Variants in ZNF785 observed in about 807,000 individuals in gnomAD.
ZNF785 encodes the protein zinc finger protein 785.
A neutral mutation model predicts 11.3 loss-of-function variants in ZNF785; 15 were observed. The ratio of observed to expected loss-of-function variants is 1.32; its 90% CI spans 0.89 to 2.04. The LOEUF (loss-of-function observed/expected upper bound fraction) is 2.04, where lower values mean the gene tolerates loss of function less well. ZNF785 is among the 30% of genes most tolerant of loss of function. The pLI is 0.00. For missense variants in ZNF785, 572 were observed against 560.9 expected (o/e 1.02, Z -0.20); for synonymous variants, 221 against 231.0 (o/e 0.96, Z 0.39).
At position 30,585,616 on chromosome 16, in the gene ZNF785, AACCCTTTCT is replaced by A. The variant is rs2051885796; in HGVS notation, c.-14_-6del. On this transcript the variant is annotated 5_prime_UTR_variant, in exon 1 of 3. Coordinates refer to ENST00000395216, the MANE Select transcript of ZNF785 (RefSeq NM_152458.7). The surrounding 1 kb of genome is among the most constrained non-coding windows in gnomAD (Gnocchi z 4.0). ...CGGCGCCAGGGGCGGCCCCATGGGAAACCCTTTCTGCCTGGCAAAGGGAGGCTTCCGGGG... is the reference window on the plus strand; with the variant it reads ...CGGCGCCAGGGGCGGCCCCATGGGAAGCCTGGCAAAGGGAGGCTTCCGGGG... 2 of 1,477,998 alleles carry A rather than the reference AACCCTTTCT, an allele frequency of 1.4e-6. No homozygotes were observed. The highest frequency in any genetic ancestry group is 1.8e-6 in the Non-Finnish European group (2 of 1,122,772). 91.6% of individuals were successfully genotyped at this position (1,477,998 alleles called of 1,614,324 possible).
At position 30,584,989 on chromosome 16, in the gene ZNF785, G is replaced by A. The variant is rs1261008773; in HGVS notation, c.334+133C>T. The A allele has an allele frequency of 6.4e-6, 8 of 1,247,456 alleles. No individual in the cohort carries two copies. The African/African-American group carries it at 9.0e-5, about 14-fold the overall frequency. The allele number at this position is 1,247,456 out of a possible 1,614,324, so 77.3% of individuals were successfully genotyped here. On this transcript the variant is annotated intron_variant, in intron 2 of 2. Coordinates refer to ENST00000395216, the MANE Select transcript of ZNF785 (RefSeq NM_152458.7). Reference sequence around the variant, plus strand: ...GTTCCATCGGGCCATTTTGCAGTGAGATGAGGACGTTTCTGGGGTAGGGTG... The same window carrying A: ...GTTCCATCGGGCCATTTTGCAGTGAAATGAGGACGTTTCTGGGGTAGGGTG...
chr16:30,583,062 T>C lies in ZNF785; in HGVS notation c.716A>G (p.Gln239Arg), dbSNP rs761676266. 6.2e-7 allele frequency: 1 copy of C among 1,613,892 alleles called. No individual in the cohort carries two copies. The highest frequency in any genetic ancestry group is 8.5e-7 in the Non-Finnish European group (1 of 1,179,982). Residue 239 changes from glutamine (Q) to arginine (R), a missense_variant, in exon 3 of 3, where the codon CAG (glutamine) becomes CGG (arginine). Transcript: ENST00000395216. Reference sequence around the variant, plus strand: ...CCTGTGGATAGCCAGGGAACCCCTCTGGCGGAAGCGGCGCCCGCAGTCGGG... The same window carrying C: ...CCTGTGGATAGCCAGGGAACCCCTCCGGCGGAAGCGGCGCCCGCAGTCGGG... ...PCPDCGRRFR[Q>R]RGSLAIHRRA...
Position 30,582,952 on chromosome 16 carries a change from G to T in ZNF785, c.826C>A (p.Arg276Ser). 6.2e-7 allele frequency: 1 copy of T among 1,614,008 alleles called. No individual in the cohort carries two copies. The highest frequency in any genetic ancestry group is 8.5e-7 in the Non-Finnish European group (1 of 1,179,968). The stretch of plus-strand genomic sequence containing the variant: ...TAGGGCTTCTCGCCCGTGTGCTTGC[G>T]CTGGTGGATGGCCAGCAGGTAGGGG... ...TYPYLLAIHQ[R>S]KHTGEKPYSC... is the part of the protein sequence containing the mutation. The change falls in exon 3 of 3, where the codon CGC becomes AGC. Residue 276 changes from arginine (R) to serine (S), a missense_variant. Transcript: ENST00000395216.
Position 30,581,030 on chromosome 16 carries a change from C to G in ZNF785, c.*1530G>C, listed in dbSNP as rs1210271276. 6.6e-6 allele frequency: 1 copy of G among 151,778 alleles called. No individual in the cohort carries two copies. Among genetic ancestry groups the G allele is most frequent in the African/African-American group, 2.4e-5 (1 of 41,272 alleles). 9.4% of individuals were successfully genotyped at this position (151,778 alleles called of 1,614,324 possible). A position where few individuals can be genotyped will look rare whatever the true frequency, so the allele number is the denominator to read the frequency against. ...AAAAATGCAATTAGCCAGGCATGGT[C>G]GTGGGTGCCTGTAATCCCAGCTACT... On this transcript the variant is annotated 3_prime_UTR_variant, in exon 3 of 3. Transcript: ENST00000395216.
chr16:30,583,774 T>C, intron 2 of ZNF785: 1 of 198,116 alleles, frequency 5.0e-6, no homozygotes, highest in Non-Finnish European at 1.0e-5. Flanking sequence ...GGAGGATCGC[T>C]TGAGGCCAGA....
rs2151236085 is a variant in ZNF785 at position 30,581,602 on chromosome 16, TAC to T, written c.*956_*957del. 1 of 151,992 alleles carries T rather than the reference TAC, an allele frequency of 6.6e-6. No homozygotes were observed. The highest frequency in any genetic ancestry group is 2.1e-4 in the South Asian group (1 of 4,826). The allele number at this position is 151,992 out of a possible 1,614,324, so 9.4% of individuals were successfully genotyped here. ...AAAAAACACTGCAATCACTAATGCA[TAC>T]AGTGAAGAGTTGGCCCAGTTCCAGA... On this transcript the variant is annotated 3_prime_UTR_variant, in exon 3 of 3. Coordinates refer to ENST00000395216, the MANE Select transcript of ZNF785 (RefSeq NM_152458.7).
Position 30,581,655 on chromosome 16 carries a change from A to C in ZNF785, c.*905T>G, listed in dbSNP as rs1471815292. On this transcript the variant is annotated 3_prime_UTR_variant, in exon 3 of 3. Transcript: ENST00000395216. The stretch of plus-strand genomic sequence containing the variant: ...GTCCGCTATGTTTGATAGTTTGTGC[A>C]CTTGCAGAATGAGAGTGGGGGGGGA... 5.9e-5 allele frequency: 9 copies of C among 152,124 alleles called. No homozygotes were observed. The highest frequency in any genetic ancestry group is 1.3e-4 in the Non-Finnish European group (9 of 68,040). The allele number at this position is 152,124 out of a possible 1,614,324, so 9.4% of individuals were successfully genotyped here.
intron 2 of ZNF785, among the ~76,000 whole-genome samples, chr16:30,584,342 T>TA (rs1366532847): frequency 6.6e-6 from 1 of 151,932 alleles, no homozygotes; most frequent in Non-Finnish European, 1.5e-5. Context: ...TCTCTGCTCT[T>TA]ACCATCACCA....
chr16:30,582,407 C>T lies in ZNF785; in HGVS notation c.*153G>A, dbSNP rs994944510. The T allele has an allele frequency of 1.8e-6, 2 of 1,130,444 alleles. No homozygotes were observed. The highest frequency in any genetic ancestry group is 1.6e-5 in the South Asian group (1 of 61,112). The allele number at this position is 1,130,444 out of a possible 1,614,324, so 70.0% of individuals were successfully genotyped here. A position where few individuals can be genotyped will look rare whatever the true frequency, so the allele number is the denominator to read the frequency against. On this transcript the variant is annotated 3_prime_UTR_variant, in exon 3 of 3. Coordinates refer to ENST00000395216, the MANE Select transcript of ZNF785 (RefSeq NM_152458.7). ...CAGGCACCTTTTCAGATTCCTGCCT[C>T]CTCCCCACAGCCCTCTGTGCCCCTA...
Position 30,583,338 on chromosome 16 carries a change from C to T in ZNF785, c.440G>A (p.Cys147Tyr), listed in dbSNP as rs767685729. The change falls in exon 3 of 3, where the codon TGC (cysteine) becomes TAC (tyrosine). Residue 147 changes from cysteine (C) to tyrosine (Y), a missense_variant. By Grantham distance (194) the Cys-to-Tyr change is radical. Transcript: ENST00000395216. Reference sequence around the variant, plus strand: ...CTGCCTAGGGTTGCAGAACTCTGGGCAGGCGACGCTGGGCCACCACTCCTT... The same window carrying T: ...CTGCCTAGGGTTGCAGAACTCTGGGTAGGCGACGCTGGGCCACCACTCCTT... ...AVKEWWPSVA[C>Y]PEFCNPRQSP... 1 of 1,613,810 alleles carries T rather than the reference C, an allele frequency of 6.2e-7. No individual in the cohort carries two copies. The highest frequency in any genetic ancestry group is 1.1e-5 in the South Asian group (1 of 91,060).
chr16:30,584,994 G>C, intron 2 of ZNF785, 128 bp downstream of exon 2: 1 of 1,286,480 alleles, frequency 7.8e-7, no homozygotes, highest in African/African-American at 1.5e-5. Flanking sequence ...AGTGAGATGA[G>C]GACGTTTCTG....
rs749751925 is a variant in ZNF785, at chr16:30,585,504, C to G, written c.108G>C (p.Val36=). Residue 36 remains valine, a synonymous_variant, in exon 1 of 3, where the codon GTG becomes GTC. Coordinates refer to ENST00000395216, the MANE Select transcript of ZNF785 (RefSeq NM_152458.7). The surrounding 1 kb of genome is among the most constrained non-coding windows in gnomAD (Gnocchi z 4.0). ...PGAVSFADVA[V]YFSPEEWECL... is the part of the protein sequence containing the mutation. ...ATTCCCACTCCTCGGGAGAGAAGTA[C>G]ACGGCCACGTCCGCGAAGCTCACGG... The G allele has an allele frequency of 1.7e-5, 27 of 1,598,522 alleles. No homozygotes were observed. Among genetic ancestry groups the G allele is most frequent in the African/African-American group, 2.7e-5 (2 of 74,744 alleles).
chr16:30,585,408 C>T lies in ZNF785; in HGVS notation c.204G>A (p.Leu68=), dbSNP rs749391980. 3.4e-5 allele frequency: 54 copies of T among 1,585,346 alleles called. No individual in the cohort carries two copies. The highest frequency in any genetic ancestry group is 2.2e-4 in the Admixed American group (12 of 55,794). ...CCCGGCCGGAGGGCCCGGCCTCACC[C>T]AGCGCGCCCAGGTGGCCGAAGGTCT... ...MRETFGHLGA[L]GFSVPKPAFI... is the part of the protein sequence containing the mutation. The change falls in exon 1 of 3, where the codon CTG becomes CTA. Residue 68 remains leucine, a splice_region_variant and synonymous_variant. Transcript: ENST00000395216. The surrounding 1 kb of genome is among the most constrained non-coding windows in gnomAD (Gnocchi z 4.0).
At chr16:30,584,572 C>A (rs1597150859) in intron 2 of ZNF785, among the ~76,000 whole-genome samples, 1 of 152,072 alleles carries the variant, frequency 6.6e-6, no homozygotes, top group East Asian at 1.9e-4. Context: ...ATTGCTTGAG[C>A]CTGGGAGGCG....
In ZNF785 at chr16:30,585,281, G is replaced by C. The variant is rs2051876825; in HGVS notation, c.206-31C>G. 3 of 1,611,332 alleles carry C rather than the reference G, an allele frequency of 1.9e-6. No homozygotes were observed. The highest frequency in any genetic ancestry group is 2.5e-6 in the Non-Finnish European group (3 of 1,179,110). ...AAGGAGAAACAATGGGCTCGGCTGA[G>C]CGCACGGGAGGGGAGAATGAGACTG... On this transcript the variant is annotated intron_variant, in intron 1 of 2. Coordinates refer to ENST00000395216, the MANE Select transcript of ZNF785 (RefSeq NM_152458.7). The surrounding 1 kb of genome is among the most constrained non-coding windows in gnomAD (Gnocchi z 4.0).
chr16:30,584,590 C>T (rs2051864286), intron 2 of ZNF785, among the ~76,000 whole-genome samples: 1 of 152,146 alleles, frequency 6.6e-6, no homozygotes, highest in African/African-American at 2.4e-5. Flanking sequence ...GCGGAGGTTG[C>T]AGTGAGCCTA....
downstream of ZNF785, chr16:30,579,838 G>T (rs955462517): frequency 2.2e-6 from 1 of 455,964 alleles, no homozygotes; most frequent in Non-Finnish European, 4.4e-6. Context: ...CAAAAGTAGG[G>T]CTAGCAGATC....
rs763927885 is a variant in ZNF785, at chr16:30,582,555, C to G, written c.*5G>C. 5.5e-5 allele frequency: 88 copies of G among 1,613,392 alleles called. No individual in the cohort carries two copies. The highest frequency in any genetic ancestry group is 7.4e-5 in the Non-Finnish European group (87 of 1,179,786). On this transcript the variant is annotated 3_prime_UTR_variant, in exon 3 of 3. Coordinates refer to ENST00000395216, the MANE Select transcript of ZNF785 (RefSeq NM_152458.7). ...GGAAACGCTGACCAGTTTGTGTGAA[C>G]GCCATCACCCACACTCTTGAAATAT...
At chr16:30,579,989 GC>G, downstream of ZNF785, 1 of 383,446 alleles carries the variant, frequency 2.6e-6, no homozygotes, top group South Asian at 1.9e-5. Context: ...CCGGGTTCAT[GC>G]CATTCTCCTG....
Sources: gnomAD v4.1 joint callset for allele counts (sites outside exome capture counted in the v4.1 genomes callset) on GRCh38, gnomAD v4.1.1 for gene constraint, Gnocchi (gnomAD v3.1) non-coding constraint, MANE v1.5 for transcripts, NCBI Gene and HGNC (gene_info 2026-07-23, HGNC 2026-07-21) for gene names.